SV2C: variants seen among roughly 807,000 people sequenced by gnomAD.
The protein encoded by SV2C is synaptic vesicle glycoprotein 2C, also known as solute carrier family 22 member B3.
SV2C carries 49 observed loss-of-function variants against 79.7 expected under a neutral mutation model. That is an observed-to-expected ratio of 0.61 (90% CI 0.49 to 0.78). The LOEUF (loss-of-function observed/expected upper bound fraction) is 0.78. Ranked by LOEUF, SV2C falls within the 30% of genes least tolerant of loss-of-function variation. The probability of loss-of-function intolerance (pLI) is 0.00; values close to 1 mark genes in which losing one functional copy is unlikely to be tolerated. For missense variants in SV2C, 833 were observed against 912.9 expected, an observed-to-expected ratio of 0.91 and a Z score of 1.13; for synonymous variants, 334 against 333.2, an observed-to-expected ratio of 1.00 and a Z score of -0.03.
At chr5:75,957,795 C>A in the SV2C span, among the ~76,000 whole-genome samples, 1 of 152,008 alleles carries the variant, frequency 6.6e-6, no homozygotes, top group African/African-American at 2.4e-5. Context: ...AAGCCTCTGA[C>A]AAAATGGGGC....
At chr5:75,967,653 TA>T in the SV2C span, among the ~76,000 whole-genome samples, 20 of 152,270 alleles carry the variant, frequency 1.3e-4, no homozygotes, top group Non-Finnish European at 2.2e-4. Flanking sequence ...GAGGCTTCAG[TA>T]GATAAACAAA....
At chr5:76,095,840 C>A (rs973954788) in intron 1 of SV2C, among the ~76,000 whole-genome samples, 1 of 151,944 alleles carries the variant, frequency 6.6e-6, no homozygotes, top group African/African-American at 2.4e-5. Context: ...AAATACCAAT[C>A]CCTTTGAAAG....
chr5:76,002,376 T>C, the SV2C span, among the ~76,000 whole-genome samples: 1 of 152,128 alleles, frequency 6.6e-6, no homozygotes, highest in Non-Finnish European at 1.5e-5. Context: ...TTCCACAATC[T>C]CTGCTGCTCA....
chr5:75,907,831 G>A, the SV2C span, among the ~76,000 whole-genome samples: 1 of 152,214 alleles, frequency 6.6e-6, no homozygotes, highest in African/African-American at 2.4e-5. Context: ...ATTTAATAGA[G>A]GCTTGAAGGA....
Position 76,171,643 on chromosome 5 carries a change from C to G in SV2C, c.581-23276C>G, listed in dbSNP as rs1264507180. 2.7e-5 allele frequency among the ~76,000 whole-genome samples: 4 copies of G among 145,702 alleles called. No individual in the cohort carries two copies. In the East Asian group the frequency reaches 8.3e-4, roughly 30 times the overall value. ...GTCAGCCCCCCGCCCGGCCAGCCGC[C>G]CCATCCGGGAGGGAGGTGGGGGGTC... is the stretch of plus-strand genomic sequence containing the variant. On this transcript the variant is annotated intron_variant, in intron 2 of 12. Coordinates refer to ENST00000502798, the MANE Select transcript of SV2C (RefSeq NM_014979.4).
intron 2 of SV2C, among the ~76,000 whole-genome samples, chr5:76,141,666 A>T (rs1251573336): frequency 3.3e-5 from 5 of 151,862 alleles, no homozygotes; most frequent in African/African-American, 1.2e-4. Flanking sequence ...TCTACTAAAA[A>T]TACAAAAATT....
At chr5:76,085,785 CAAATTTTCCATGAATGGA>C (rs1233614801) in intron 1 of SV2C, among the ~76,000 whole-genome samples, 2 of 148,948 alleles carry the variant, frequency 1.3e-5, no homozygotes, top group Non-Finnish European at 3.0e-5. Context: ...TTTGGAAATA[CAAATTTTCCATGAATGGA>C]AAATATTAGC....
chr5:75,996,740 G>C, the SV2C span, among the ~76,000 whole-genome samples: 2 of 151,742 alleles, frequency 1.3e-5, no homozygotes, highest in Non-Finnish European at 2.9e-5. Context: ...TATTCTCTTT[G>C]AAGCAATTGT....
Position 76,209,840 on chromosome 5 carries a change from G to A in SV2C, c.866G>A (p.Gly289Asp). ...LSWLCMFWMIGGIYASAMAWA... is the reference protein window; with the variant it reads ...LSWLCMFWMIDGIYASAMAWA... Reference sequence around the variant, plus strand: ...TGGCTCTGCATGTTCTGGATGATCGGTGGCATCTACGCCTCTGCCATGGCC... The same window carrying A: ...TGGCTCTGCATGTTCTGGATGATCGATGGCATCTACGCCTCTGCCATGGCC... Residue 289 changes from glycine (G) to aspartate (D), a missense_variant, in exon 4 of 13, where the codon GGT (glycine) becomes GAT (aspartate). By Grantham distance (94) the Gly-to-Asp change is moderately conservative. Coordinates refer to ENST00000502798, the MANE Select transcript of SV2C (RefSeq NM_014979.4). 6.2e-7 allele frequency: 1 copy of A among 1,614,234 alleles called. No individual in the cohort carries two copies. The highest frequency in any genetic ancestry group is 8.5e-7 in the Non-Finnish European group (1 of 1,180,032).
At chr5:76,015,228 G>A in the SV2C span, among the ~76,000 whole-genome samples, 4 of 152,170 alleles carry the variant, frequency 2.6e-5, no homozygotes, top group Non-Finnish European at 5.9e-5. Context: ...CCATCTCTGA[G>A]TAACCTTCAC....
chr5:75,940,213 A>C, the SV2C span, among the ~76,000 whole-genome samples: 362 of 152,160 alleles, frequency 2.4e-3, no homozygotes, highest in African/African-American at 8.0e-3. Context: ...AAAATACAAA[A>C]ATTAGCCAGG....
chr5:75,900,646 T>C, the SV2C span, among the ~76,000 whole-genome samples: 2 of 152,180 alleles, frequency 1.3e-5, no homozygotes, highest in Non-Finnish European at 2.9e-5. Flanking sequence ...CTGGATAATA[T>C]CCTGCAGAGT....
At chr5:76,123,557 A>G (rs1388005406) in intron 1 of SV2C, among the ~76,000 whole-genome samples, 1 of 152,222 alleles carries the variant, frequency 6.6e-6, no homozygotes, top group Non-Finnish European at 1.5e-5. Flanking sequence ...TCCCTGGGAT[A>G]CAAGCCTGTT....
chr5:76,305,124 C>T (rs1428818884), intron 12 of SV2C, among the ~76,000 whole-genome samples: 1 of 152,234 alleles, frequency 6.6e-6, no homozygotes, highest in East Asian at 1.9e-4. Flanking sequence ...ACTCACTCAC[C>T]ATTGCGAGGA....
chr5:75,973,891 C>T, the SV2C span, among the ~76,000 whole-genome samples: 1 of 151,938 alleles, frequency 6.6e-6, no homozygotes, highest in African/African-American at 2.4e-5. Context: ...TGCCTCAAAA[C>T]ATCTAGGAAC....
rs60992266 is a variant in SV2C, at chr5:76,236,561, C to CA, written c.913+26681dup. Among the ~76,000 whole-genome samples the CA allele has an allele frequency of 6.2e-5, 9 of 144,008 alleles. 1 individual carries two copies. In the South Asian group the frequency reaches 8.5e-4, roughly 14 times the overall value. The allele number at this position is 144,008 out of a possible 152,430, so 94.5% of individuals were successfully genotyped here. A position where few individuals can be genotyped will look rare whatever the true frequency, so the allele number is the denominator to read the frequency against. On this transcript the variant is annotated intron_variant, in intron 4 of 12. Coordinates refer to ENST00000502798, the MANE Select transcript of SV2C (RefSeq NM_014979.4). Reference sequence around the variant, plus strand: ...TGGGCAACAGAATGAGACCCTGTATCAAAAAAATAAAATAAAATAAAGAGA... The same window carrying CA: ...TGGGCAACAGAATGAGACCCTGTATCAAAAAAAATAAAATAAAATAAAGAGA...
intron 4 of SV2C, among the ~76,000 whole-genome samples, chr5:76,277,768 A>G (rs1747067356): frequency 6.6e-6 from 1 of 152,096 alleles, no homozygotes; most frequent in East Asian, 1.9e-4. Context: ...AAAAAAAAAA[A>G]ACAGATTCCA....
At chr5:76,202,953 T>A (rs965369141) in intron 3 of SV2C, among the ~76,000 whole-genome samples, 1 of 152,254 alleles carries the variant, frequency 6.6e-6, no homozygotes, top group African/African-American at 2.4e-5. Context: ...TACGTGATTG[T>A]TTTGTTTTAA....
intron 1 of SV2C, among the ~76,000 whole-genome samples, chr5:76,094,620 C>G (rs894237928): frequency 2.6e-5 from 4 of 152,096 alleles, no homozygotes; most frequent in African/African-American, 9.7e-5. Flanking sequence ...AATAAAGTAT[C>G]TATGAACATC....
Sources: gnomAD v4.1 joint callset for allele counts (sites outside exome capture counted in the v4.1 genomes callset) on GRCh38, gnomAD v4.1.1 for gene constraint, MANE v1.5 for transcripts, NCBI Gene and HGNC (gene_info 2026-07-23, HGNC 2026-07-21) for gene names.